TNR: variants seen among roughly 807,000 people sequenced by gnomAD.
The protein encoded by TNR is tenascin-R.
TNR carries 45 observed loss-of-function variants against 150.4 expected under a neutral mutation model. That is an observed-to-expected ratio of 0.30 (90% CI 0.24 to 0.38). The LOEUF is 0.38. TNR is among the 10% of genes least tolerant of loss of function. TNR has a pLI of 1.00. For synonymous variants in TNR, 687 were observed against 678.4 expected (o/e 1.01, Z -0.20); for missense variants, 1,544 against 1,759.1 (o/e 0.88, Z 2.19).
At chr1:175,584,544 G>T (rs181492021) in intron 1 of TNR, among the ~76,000 whole-genome samples, 1 of 152,250 alleles carries the variant, frequency 6.6e-6, no homozygotes, top group Admixed American at 6.5e-5. Context: ...ACTAATATAG[G>T]TGGCCTGCAA....
intron 21 of TNR, among the ~76,000 whole-genome samples, chr1:175,325,424 TA>T (rs1287995065): frequency 6.6e-6 from 1 of 152,208 alleles, no homozygotes; most frequent in Non-Finnish European, 1.5e-5. Context: ...TTGGTGGGAC[TA>T]AAAACTAGTT....
chr1:175,596,157 A>C (rs1487864655), intron 1 of TNR, among the ~76,000 whole-genome samples: 1 of 152,216 alleles, frequency 6.6e-6, no homozygotes, highest in African/African-American at 2.4e-5. Context: ...GTTTTTTTAA[A>C]AGAAAAAGAA....
intron 2 of TNR, among the ~76,000 whole-genome samples, chr1:175,527,030 A>G (rs1234906564): frequency 6.6e-6 from 1 of 152,220 alleles, no homozygotes. Flanking sequence ...TTTTATCCAC[A>G]CAAGTGCTTT....
chr1:175,466,145 A>G (rs1467149327), intron 2 of TNR, among the ~76,000 whole-genome samples: 1 of 152,162 alleles, frequency 6.6e-6, no homozygotes, highest in Non-Finnish European at 1.5e-5. Flanking sequence ...ATTGATCCTC[A>G]AAACAATCCT....
intron 1 of TNR, among the ~76,000 whole-genome samples, chr1:175,549,921 C>G (rs1660869625): frequency 6.6e-6 from 1 of 152,200 alleles, no homozygotes; most frequent in African/African-American, 2.4e-5. Flanking sequence ...ACACCCTGGA[C>G]TCCTGACCCA....
chr1:175,636,190 T>C (rs1664487476), intron 1 of TNR, among the ~76,000 whole-genome samples: 2 of 152,214 alleles, frequency 1.3e-5, no homozygotes, highest in African/African-American at 4.8e-5. Context: ...GTCACCTTAC[T>C]GAACTGACAT....
chr1:175,684,339 A>G (rs1252185201), intron 1 of TNR, among the ~76,000 whole-genome samples: 2 of 152,198 alleles, frequency 1.3e-5, no homozygotes, highest in Admixed American at 1.3e-4. Flanking sequence ...CCCAGAACTT[A>G]CAGTTTAGAG....
In TNR at chr1:175,659,897, A is replaced by ATTT. The variant is rs34472359; in HGVS notation, c.-165+83326_-165+83328dup. ...TTTTACATGAAGTCCTTTGGGTGTCATTTTTTTTTTTTTTTTTTTGCCTTC... is the reference window on the plus strand; with the variant it reads ...TTTTACATGAAGTCCTTTGGGTGTCATTTTTTTTTTTTTTTTTTTTTTGCCTTC... On this transcript the variant is annotated intron_variant, in intron 1 of 22. Transcript: ENST00000367674. 3.8e-3 allele frequency among the ~76,000 whole-genome samples: 428 copies of ATTT among 111,762 alleles called. 2 individuals carry two copies. The highest frequency in any genetic ancestry group is 0.013 in the African/African-American group (373 of 29,260). 73.3% of individuals were successfully genotyped at this position (111,762 alleles called of 152,430 possible). A position where few individuals can be genotyped will look rare whatever the true frequency, so the allele number is the denominator to read the frequency against.
chr1:175,568,649 T>G (rs1429359734), intron 1 of TNR, among the ~76,000 whole-genome samples: 1 of 152,178 alleles, frequency 6.6e-6, no homozygotes, highest in Non-Finnish European at 1.5e-5. Flanking sequence ...CATCCAATCC[T>G]GGATCAATTG....
At chr1:175,329,514 A>G (rs745342984) in intron 21 of TNR, among the ~76,000 whole-genome samples, 3 of 152,218 alleles carry the variant, frequency 2.0e-5, no homozygotes, top group Non-Finnish European at 4.4e-5. Context: ...GGAACAGGTA[A>G]GTGGCATTGT....
At chr1:175,491,953 C>G (rs1365925001) in intron 2 of TNR, among the ~76,000 whole-genome samples, 2 of 152,124 alleles carry the variant, frequency 1.3e-5, no homozygotes, top group African/African-American at 2.4e-5. Flanking sequence ...CAGCCAGGCC[C>G]AGACTTTTAA....
intron 1 of TNR, among the ~76,000 whole-genome samples, chr1:175,558,505 A>G (rs1456295542): frequency 6.6e-6 from 1 of 152,210 alleles, no homozygotes; most frequent in African/African-American, 2.4e-5. Context: ...AAATGAGTGC[A>G]TTAAACAGAC....
At chr1:175,559,781 A>G (rs1661348008) in intron 1 of TNR, among the ~76,000 whole-genome samples, 1 of 152,174 alleles carries the variant, frequency 6.6e-6, no homozygotes, top group Non-Finnish European at 1.5e-5. Context: ...TGCTGCTAGG[A>G]GCATATTTAT....
rs1648871108 is a variant in TNR at position 175,317,212 on chromosome 1, C to G, written c.*6145G>C. 1 of 152,182 alleles carries G rather than the reference C, an allele frequency of 6.6e-6. No homozygotes were observed. The highest frequency in any genetic ancestry group is 2.1e-4 in the South Asian group (1 of 4,828). 9.4% of individuals were successfully genotyped at this position (152,182 alleles called of 1,614,324 possible). A position where few individuals can be genotyped will look rare whatever the true frequency, so the allele number is the denominator to read the frequency against. On this transcript the variant is annotated 3_prime_UTR_variant, in exon 23 of 23. Coordinates refer to ENST00000367674, the MANE Select transcript of TNR (RefSeq NM_003285.3). ...TGGGTATGCAATAAATGCTATTTATCTTAGTGTTCATTTGTGGAGAATCAA... is the reference window on the plus strand; with the variant it reads ...TGGGTATGCAATAAATGCTATTTATGTTAGTGTTCATTTGTGGAGAATCAA...
intron 1 of TNR, among the ~76,000 whole-genome samples, chr1:175,624,698 G>C (rs118039372): frequency 2.0e-5 from 3 of 152,160 alleles, no homozygotes; most frequent in African/African-American, 7.2e-5. Flanking sequence ...AATTTCTGTC[G>C]TTTTAAGCTG....
In TNR at chr1:175,743,553, T is replaced by A. The variant is rs377552469; in HGVS notation, c.-492A>T. Reference sequence around the variant, plus strand: ...TGGGTCTGCCCGTCTCCTCTGGGTGTTGAGCCAACAGCCTTAGCACAGTCG... The same window carrying A: ...TGGGTCTGCCCGTCTCCTCTGGGTGATGAGCCAACAGCCTTAGCACAGTCG... On this transcript the variant is annotated 5_prime_UTR_variant, in exon 1 of 23. Coordinates refer to ENST00000367674, the MANE Select transcript of TNR (RefSeq NM_003285.3). 1.3e-5 allele frequency: 2 copies of A among 152,196 alleles called. No individual in the cohort carries two copies. Among genetic ancestry groups the A allele is most frequent in the Non-Finnish European group, 2.9e-5 (2 of 68,170 alleles). 9.4% of individuals were successfully genotyped at this position (152,196 alleles called of 1,614,324 possible). A position where few individuals can be genotyped will look rare whatever the true frequency, so the allele number is the denominator to read the frequency against.
chr1:175,494,713 CTGT>C (rs1388903530), intron 2 of TNR, among the ~76,000 whole-genome samples: 1 of 152,204 alleles, frequency 6.6e-6, no homozygotes, highest in East Asian at 1.9e-4. Context: ...TATTTGCTCT[CTGT>C]TGTTAACAGT....
intron 2 of TNR, among the ~76,000 whole-genome samples, chr1:175,490,826 C>G (rs1341882487): frequency 6.6e-6 from 1 of 152,134 alleles, no homozygotes; most frequent in African/African-American, 2.4e-5. Flanking sequence ...TCTCAAAGAC[C>G]TAGAGGCAGA....
chr1:175,658,942 C>A (rs1665277729), intron 1 of TNR, among the ~76,000 whole-genome samples: 1 of 152,158 alleles, frequency 6.6e-6, no homozygotes, highest in South Asian at 2.1e-4. Flanking sequence ...CTGAGTTGAG[C>A]TAGACCAGAG....
Sources: allele counts gnomAD v4.1 joint callset (sites outside exome capture counted in the v4.1 genomes callset), GRCh38; gene constraint gnomAD v4.1.1; transcripts MANE v1.5; gene names NCBI Gene and HGNC (gene_info 2026-07-23, HGNC 2026-07-21).